The following DMXL1 variants were observed in gnomAD, a reference collection of about 807,000 sequenced individuals.
The protein encoded by DMXL1 is Dmx like 1, also known as dmX-like protein 1.
A neutral mutation model predicts 319.2 loss-of-function variants in DMXL1; 99 were observed. The observed-to-expected ratio is 0.31, with a 90% confidence interval of 0.26 to 0.37. The LOEUF is 0.37. Ranked by LOEUF, DMXL1 falls within the 10% of genes least tolerant of loss-of-function variation. The probability of loss-of-function intolerance (pLI) is 1.00; values close to 1 mark genes in which losing one functional copy is unlikely to be tolerated. For synonymous variants in DMXL1, 1,385 were observed against 1,235.2 expected (o/e 1.12, Z -2.54); for missense variants, 3,745 against 3,595.6 (o/e 1.04, Z -1.06).
At chr5:119,243,897 C>G (rs1789252698) in intron 42 of DMXL1, among the ~76,000 whole-genome samples, 1 of 152,118 alleles carries the variant, frequency 6.6e-6, no homozygotes, top group African/African-American at 2.4e-5. Context: ...TCATTAAGTG[C>G]CTATTATTTT....
intron 25 of DMXL1, among the ~76,000 whole-genome samples, chr5:119,174,315 C>T (rs947851699): frequency 4.3e-5 from 6 of 139,064 alleles, no homozygotes; most frequent in East Asian, 4.3e-4. Flanking sequence ...GGTGTAGATT[C>T]GGAACTCACA....
chr5:119,082,438 C>T (rs189950785), intron 1 of DMXL1, among the ~76,000 whole-genome samples: 1 of 152,206 alleles, frequency 6.6e-6, no homozygotes, highest in Admixed American at 6.5e-5. Context: ...CCATGCCTGG[C>T]TAATTTTTAA....
intron 20 of DMXL1, 110 bp from the exon 21 acceptor site, chr5:119,165,073 T>C (rs1773135958): frequency 1.5e-6 from 1 of 664,688 alleles, no homozygotes. Context: ...TATACATATT[T>C]TTAAAATTTT....
rs1194960611 is a variant in DMXL1, at chr5:119,197,734, G to T, written c.7544-21G>T. 6 of 1,608,964 alleles carry T rather than the reference G, an allele frequency of 3.7e-6. No individual in the cohort carries two copies. In the Admixed American group the frequency reaches 1.0e-4, roughly 27 times the overall value. ...GCATTTTACTGCATAAGATTAATAT[G>T]AGTCAATGTTCCCATTTTAGAGCTT... On this transcript the variant is annotated intron_variant, in intron 31 of 43. Coordinates refer to ENST00000539542, the MANE Select transcript of DMXL1 (RefSeq NM_001290321.3).
chr5:119,140,707 A>G (rs1032983221), intron 13 of DMXL1, among the ~76,000 whole-genome samples: 1 of 152,158 alleles, frequency 6.6e-6, no homozygotes, highest in South Asian at 2.1e-4. Context: ...TTCCTACTGA[A>G]ACTATTCCAA....
chr5:119,121,324 T>G (rs1483432995), intron 9 of DMXL1, among the ~76,000 whole-genome samples, 185 bp downstream of exon 9: 1 of 152,078 alleles, frequency 6.6e-6, no homozygotes, highest in African/African-American at 2.4e-5. Flanking sequence ...GGGTGTTTCT[T>G]GCAGAGGGAG....
chr5:119,138,198 G>C (rs1766464566), intron 13 of DMXL1, among the ~76,000 whole-genome samples: 4 of 152,136 alleles, frequency 2.6e-5, no homozygotes, highest in Admixed American at 2.6e-4. Flanking sequence ...CCAAATTCAA[G>C]ATGTTGTTTA....
At chr5:119,179,122 T>A (rs959582487) in intron 28 of DMXL1, among the ~76,000 whole-genome samples, 2 of 152,158 alleles carry the variant, frequency 1.3e-5, no homozygotes, top group Admixed American at 1.3e-4. Context: ...AACAATTGTA[T>A]CCCCGTTTAA....
chr5:119,211,028 A>G (rs988198164), intron 34 of DMXL1, among the ~76,000 whole-genome samples: 37 of 138,770 alleles, frequency 2.7e-4, no homozygotes, highest in African/African-American at 8.3e-4. Flanking sequence ...TTTGCCTACT[A>G]TTGAAATGAT....
intron 32 of DMXL1, among the ~76,000 whole-genome samples, chr5:119,200,403 C>G (rs1372060084): frequency 1.3e-5 from 2 of 152,036 alleles, no homozygotes; most frequent in African/African-American, 4.8e-5. Flanking sequence ...ACCTTACTTC[C>G]CAGTTCTCTA....
At chr5:119,124,948 G>T (rs1345592777) in intron 9 of DMXL1, among the ~76,000 whole-genome samples, 1 of 152,112 alleles carries the variant, frequency 6.6e-6, no homozygotes, top group Admixed American at 6.5e-5. Context: ...TCTATTAACA[G>T]AGCTACAAAT....
intron 1 of DMXL1, among the ~76,000 whole-genome samples, chr5:119,086,870 C>A (rs1753493479): frequency 1.3e-5 from 2 of 151,978 alleles, no homozygotes; most frequent in Non-Finnish European, 1.5e-5. Context: ...TTATGGCTTC[C>A]ATCTCATTAC....
intron 4 of DMXL1, among the ~76,000 whole-genome samples, chr5:119,108,465 C>T (rs1239812613): frequency 6.6e-5 from 10 of 152,008 alleles, no homozygotes; most frequent in Non-Finnish European, 1.3e-4. Context: ...GCTCTGTTGC[C>T]CAGGCTAGAC....
rs181209746 is a variant in DMXL1 at position 119,079,948 on chromosome 5, A to G, written c.87+8292A>G. On this transcript the variant is annotated intron_variant, in intron 1 of 43. Coordinates refer to ENST00000539542, the MANE Select transcript of DMXL1 (RefSeq NM_001290321.3). ...CAGGCCTTGGTCCTCTTCTCGTTTC[A>G]TTCTACATGCAGCTCCTGGTGTATA... Among the ~76,000 whole-genome samples, 124 of 152,272 alleles carry G rather than the reference A, an allele frequency of 8.1e-4. 1 individual carries two copies. Among genetic ancestry groups the G allele is most frequent in the African/African-American group, 2.8e-3 (117 of 41,562 alleles).
At chr5:119,118,191 C>T (rs1761257852) in intron 7 of DMXL1, among the ~76,000 whole-genome samples, 1 of 152,176 alleles carries the variant, frequency 6.6e-6, no homozygotes, top group Non-Finnish European at 1.5e-5. Context: ...AGTACTTTAT[C>T]ATGAATATTC....
intron 19 of DMXL1, among the ~76,000 whole-genome samples, chr5:119,163,313 G>A (rs1772673344): frequency 6.6e-6 from 1 of 152,160 alleles, no homozygotes; most frequent in South Asian, 2.1e-4. Context: ...TATTATGCTG[G>A]TACAAAAGCA....
intron 25 of DMXL1, among the ~76,000 whole-genome samples, chr5:119,173,421 C>G (rs886651370): frequency 6.7e-6 from 1 of 149,728 alleles, no homozygotes; most frequent in Non-Finnish European, 1.5e-5. Context: ...GCTTATAATT[C>G]TGTGAGTTGG....
At chr5:119,196,319 T>C in intron 30 of DMXL1, 52 bp from the exon 31 acceptor site, 3 of 1,407,198 alleles carry the variant, frequency 2.1e-6, no homozygotes, top group South Asian at 2.3e-5. Flanking sequence ...TAGTATACTC[T>C]TCTAAATCCC....
Position 119,071,330 on chromosome 5 carries a change from T to C in DMXL1, c.-240T>C, listed in dbSNP as rs1445351471. 1 of 515,582 alleles carries C rather than the reference T, an allele frequency of 1.9e-6. No homozygotes were observed. Among genetic ancestry groups the C allele is most frequent in the East Asian group, 3.7e-5 (1 of 26,792 alleles). 31.9% of individuals were successfully genotyped at this position (515,582 alleles called of 1,614,324 possible). A position where few individuals can be genotyped will look rare whatever the true frequency, so the allele number is the denominator to read the frequency against. The stretch of plus-strand genomic sequence containing the variant: ...CTGGGCTAGCGCGGGGAGTGACAGG[T>C]GCGCGAAGGAGCGCGGCGCTCCGCC... On this transcript the variant is annotated 5_prime_UTR_variant, in exon 1 of 44. Transcript: ENST00000539542.
Sources: gnomAD v4.1 joint callset for allele counts (sites outside exome capture counted in the v4.1 genomes callset) on GRCh38, gnomAD v4.1.1 for gene constraint, MANE v1.5 for transcripts, NCBI Gene and HGNC (gene_info 2026-07-23, HGNC 2026-07-21) for gene names.